The following OSBPL10 variants were observed in gnomAD, a reference collection of about 807,000 sequenced individuals.
OSBPL10 encodes the protein oxysterol binding protein like 10.
OSBPL10 carries 49 observed loss-of-function variants against 81.7 expected under a neutral mutation model. The observed-to-expected ratio is 0.60, with a 90% CI of 0.48 to 0.76. The LOEUF is 0.76. OSBPL10 is among the 30% of genes least tolerant of loss of function. The pLI, the probability that OSBPL10 is intolerant of heterozygous loss-of-function variation, is 0.00. For synonymous variants in OSBPL10, 419 were observed against 383.6 expected, an observed-to-expected ratio of 1.09 and a Z score of -1.08; for missense variants, 923 against 987.8, an observed-to-expected ratio of 0.93 and a Z score of 0.88.
chr3:31,726,775 T>C (rs919712049), intron 6 of OSBPL10, among the ~76,000 whole-genome samples: 1 of 152,120 alleles, frequency 6.6e-6, no homozygotes, highest in Non-Finnish European at 1.5e-5. Context: ...GAGGCCATCA[T>C]GAGTTGCTGC....
chr3:31,742,312 T>C (rs891907812), intron 5 of OSBPL10, among the ~76,000 whole-genome samples: 3 of 152,252 alleles, frequency 2.0e-5, no homozygotes, highest in Non-Finnish European at 4.4e-5. Flanking sequence ...TAGTCTCACT[T>C]ATTTGGCCCT....
chr3:32,000,619 G>A (rs1025490636), intron 2 of OSBPL10, among the ~76,000 whole-genome samples: 18 of 152,212 alleles, frequency 1.2e-4, no homozygotes, highest in Admixed American at 9.8e-4. Flanking sequence ...TTCTCAGCAC[G>A]GTTTGTCAGC....
intron 1 of OSBPL10, among the ~76,000 whole-genome samples, chr3:31,972,335 G>C (rs929799516): frequency 1.3e-4 from 20 of 152,350 alleles, no homozygotes; most frequent in African/African-American, 4.3e-4. Flanking sequence ...GTTGCAGTGA[G>C]TGGAGATCAC....
chr3:32,026,910 C>T (rs1437399759), intron 2 of OSBPL10, among the ~76,000 whole-genome samples: 1 of 152,226 alleles, frequency 6.6e-6, no homozygotes, highest in African/African-American at 2.4e-5. Flanking sequence ...GCACAGTCAC[C>T]ATCTCCTCAC....
intron 3 of OSBPL10, among the ~76,000 whole-genome samples, chr3:31,865,808 A>G (rs1019504598): frequency 6.6e-6 from 1 of 152,248 alleles, no homozygotes; most frequent in Admixed American, 6.5e-5. Context: ...TCAGCCAATG[A>G]GTTACCAGCA....
intron 4 of OSBPL10, among the ~76,000 whole-genome samples, chr3:31,783,146 T>TATATACACAC (rs1485968747): frequency 1.3e-3 from 144 of 112,898 alleles, no homozygotes; most frequent in Middle Eastern, 0.01. Context: ...TATATATATA[T>TATATACACAC]ACACACACAC....
At chr3:31,883,241 CTCTTT>C (rs1363038166) in intron 1 of OSBPL10, among the ~76,000 whole-genome samples, 3 of 100,184 alleles carry the variant, frequency 3.0e-5, no homozygotes, top group African/African-American at 1.4e-4. Context: ...AAGCATGCCA[CTCTTT>C]TTTTTTTTTT....
intron 1 of OSBPL10, among the ~76,000 whole-genome samples, chr3:31,958,808 G>A (rs921139990): frequency 1.6e-4 from 25 of 152,240 alleles, no homozygotes; most frequent in African/African-American, 5.5e-4. Flanking sequence ...GGTTTTATTG[G>A]AACAGAGCCA....
At chr3:31,826,118 TG>T (rs1371501699) in intron 4 of OSBPL10, among the ~76,000 whole-genome samples, 5 of 152,174 alleles carry the variant, frequency 3.3e-5, no homozygotes, top group Admixed American at 3.3e-4. Context: ...TTCCATAAAT[TG>T]TTTCCTCAGG....
chr3:31,862,199 G>T (rs1701071325), intron 3 of OSBPL10, among the ~76,000 whole-genome samples: 1 of 151,636 alleles, frequency 6.6e-6, no homozygotes, highest in South Asian at 2.1e-4. Flanking sequence ...TTTTTTTAAA[G>T]AAAAAAATAG....
At chr3:32,041,523 C>A (rs939936622) in intron 2 of OSBPL10, among the ~76,000 whole-genome samples, 1 of 152,164 alleles carries the variant, frequency 6.6e-6, no homozygotes, top group African/African-American at 2.4e-5. Context: ...TGGTCACACG[C>A]CTCCTATCAA....
intron 2 of OSBPL10, among the ~76,000 whole-genome samples, chr3:32,017,608 C>T (rs1699326856): frequency 6.6e-6 from 1 of 152,140 alleles, no homozygotes; most frequent in African/African-American, 2.4e-5. Flanking sequence ...CCAAACTGTG[C>T]TTAGTAGACT....
intron 6 of OSBPL10, chr3:31,709,192 T>C (rs1283631624): frequency 2.5e-5 from 7 of 279,512 alleles, no homozygotes; most frequent in Non-Finnish European, 3.8e-5. Context: ...ATGCTGAGTT[T>C]GTCGTCACTG....
At chr3:31,785,137 G>A (rs1401735778) in intron 4 of OSBPL10, among the ~76,000 whole-genome samples, 11 of 151,980 alleles carry the variant, frequency 7.2e-5, no homozygotes, top group South Asian at 4.2e-4. Context: ...CGCCTGCCTC[G>A]GCCTCCCAAA....
chr3:31,884,143 G>C (rs754758148), intron 1 of OSBPL10, among the ~76,000 whole-genome samples: 1 of 152,150 alleles, frequency 6.6e-6, no homozygotes, highest in Non-Finnish European at 1.5e-5. Context: ...CAGTAAGTAT[G>C]ACAGAATAAC....
chr3:31,864,691 A>T (rs1007585089), intron 3 of OSBPL10, among the ~76,000 whole-genome samples: 1 of 152,092 alleles, frequency 6.6e-6, no homozygotes, highest in Non-Finnish European at 1.5e-5. Flanking sequence ...TAGAACACTG[A>T]CTGAATGATG....
intron 10 of OSBPL10, among the ~76,000 whole-genome samples, chr3:31,666,800 A>G (rs1419019189): frequency 1.3e-5 from 2 of 152,230 alleles, no homozygotes; most frequent in Non-Finnish European, 2.9e-5. Context: ...TTATAACAAT[A>G]TACCATAATA....
intron 7 of OSBPL10, among the ~76,000 whole-genome samples, chr3:31,701,206 C>T (rs1360115817): frequency 6.6e-6 from 1 of 152,154 alleles, no homozygotes; most frequent in Non-Finnish European, 1.5e-5. Context: ...CTTCTCTTGC[C>T]CCCTGCCTAG....
At chr3:31,764,114 C>T (rs538678724) in intron 4 of OSBPL10, among the ~76,000 whole-genome samples, 1 of 152,358 alleles carries the variant, frequency 6.6e-6, no homozygotes, top group East Asian at 1.9e-4. Flanking sequence ...CCGCCCTTTG[C>T]AGACACCTGC....
Sources: gnomAD v4.1 joint callset for allele counts (sites outside exome capture counted in the v4.1 genomes callset) on GRCh38, gnomAD v4.1.1 for gene constraint, MANE v1.5 for transcripts, NCBI Gene and HGNC (gene_info 2026-07-23, HGNC 2026-07-21) for gene names.